The following PARM1 variants were observed in gnomAD, a reference collection of about 807,000 sequenced individuals.
PARM1 encodes WSC4, cell wall integrity and stress response component 4 homolog.
In PARM1, 14 loss-of-function variants were observed where a neutral mutation model predicts 24.6. The ratio of observed to expected loss-of-function variants is 0.57; its 90% CI spans 0.38 to 0.89. PARM1 has a LOEUF of 0.89. Ranked by LOEUF, PARM1 falls within the 40% of genes least tolerant of loss-of-function variation. The pLI, the probability that PARM1 is intolerant of heterozygous loss-of-function variation, is 0.00. For synonymous variants in PARM1, 179 were observed against 156.6 expected (o/e 1.14, Z -1.07); for missense variants, 362 against 380.4 (o/e 0.95, Z 0.40).
intron 1 of PARM1, among the ~76,000 whole-genome samples, chr4:75,011,981 A>G (rs1473966171): frequency 6.6e-6 from 1 of 152,132 alleles, no homozygotes; most frequent in Non-Finnish European, 1.5e-5. Flanking sequence ...CCCTCCTGCC[A>G]GTGACCACAC....
chr4:74,936,023 G>A (rs544251965), intron 1 of PARM1, among the ~76,000 whole-genome samples: 51 of 152,004 alleles, frequency 3.4e-4, no homozygotes, highest in Admixed American at 1.7e-3. Flanking sequence ...TGTAGATATG[G>A]GGGGTATTCC....
intron 1 of PARM1, among the ~76,000 whole-genome samples, chr4:74,989,031 G>A (rs765200488): frequency 1.2e-4 from 18 of 152,118 alleles, no homozygotes; most frequent in Admixed American, 2.6e-4. Context: ...CTTTGAGGGC[G>A]TCCAAGGATA....
chr4:74,965,714 A>G (rs1178637963), intron 1 of PARM1, among the ~76,000 whole-genome samples: 3 of 152,180 alleles, frequency 2.0e-5, no homozygotes, highest in Non-Finnish European at 2.9e-5. Context: ...TCAAAAAATC[A>G]TGGCCCATCT....
intron 1 of PARM1, among the ~76,000 whole-genome samples, chr4:74,950,445 A>G (rs912830483): frequency 8.5e-5 from 13 of 152,080 alleles, no homozygotes; most frequent in Admixed American, 7.9e-4. Flanking sequence ...TCTGTGTCCA[A>G]ACTTCCCTCT....
intron 1 of PARM1, among the ~76,000 whole-genome samples, chr4:74,991,438 T>A (rs1245521186): frequency 6.6e-6 from 1 of 152,050 alleles, no homozygotes; most frequent in Non-Finnish European, 1.5e-5. Context: ...GCAAACTTCC[T>A]GAGTTGAGAG....
At chr4:75,016,052 A>G (rs1722979909) in intron 2 of PARM1, among the ~76,000 whole-genome samples, 1 of 152,176 alleles carries the variant, frequency 6.6e-6, no homozygotes, top group Non-Finnish European at 1.5e-5. Flanking sequence ...CACTCAACAA[A>G]TATCTAAACA....
intron 1 of PARM1, among the ~76,000 whole-genome samples, chr4:75,008,481 C>A (rs1722812543): frequency 6.6e-6 from 1 of 152,254 alleles, no homozygotes; most frequent in Non-Finnish European, 1.5e-5. Flanking sequence ...CTGGAAACGA[C>A]AATGCAAGTG....
chr4:75,035,738 C>T (rs1391257356), intron 3 of PARM1, among the ~76,000 whole-genome samples: 9 of 151,912 alleles, frequency 5.9e-5, no homozygotes, highest in South Asian at 2.1e-4. Context: ...CCTGCGTCTA[C>T]GATACAAAGA....
At chr4:74,944,261 C>T (rs944004486) in intron 1 of PARM1, among the ~76,000 whole-genome samples, 2 of 152,140 alleles carry the variant, frequency 1.3e-5, no homozygotes, top group African/African-American at 4.8e-5. Context: ...CCTTAGCAAT[C>T]GTGGTAAAAT....
At chr4:74,947,836 T>C (rs74820906) in intron 1 of PARM1, among the ~76,000 whole-genome samples, 6,251 of 152,216 alleles carry the variant, frequency 0.041, 414 homozygotes, top group African/African-American at 0.14. Flanking sequence ...TTAAAATGAG[T>C]CCTCTAGACC....
intron 1 of PARM1, among the ~76,000 whole-genome samples, chr4:75,005,170 C>T (rs779383646): frequency 7.2e-5 from 11 of 152,210 alleles, no homozygotes; most frequent in Non-Finnish European, 1.3e-4. Context: ...AGCAATTACT[C>T]AGCACACAGA....
chr4:74,963,372 T>A (rs1231606046), intron 1 of PARM1, among the ~76,000 whole-genome samples: 1 of 152,248 alleles, frequency 6.6e-6, no homozygotes. Context: ...CTTAACGGCA[T>A]TATTCTCAAT....
At chr4:74,979,442 C>T (rs573241478) in intron 1 of PARM1, among the ~76,000 whole-genome samples, 2 of 152,072 alleles carry the variant, frequency 1.3e-5, no homozygotes, top group South Asian at 4.1e-4. Flanking sequence ...AGACCAATAA[C>T]CAGCTGTGAA....
chr4:74,937,471 T>C (rs1721217681), intron 1 of PARM1, among the ~76,000 whole-genome samples: 1 of 152,202 alleles, frequency 6.6e-6, no homozygotes, highest in African/African-American at 2.4e-5. Flanking sequence ...TGCAGCTAGA[T>C]TGCCTAGGTA....
intron 1 of PARM1, among the ~76,000 whole-genome samples, chr4:74,943,723 C>T: frequency 6.6e-6 from 1 of 152,122 alleles, no homozygotes; most frequent in East Asian, 1.9e-4. Flanking sequence ...ATAAAGATAC[C>T]TTCACCATTC....
In PARM1 at chr4:75,012,593, C is replaced by T; in HGVS notation, c.212C>T (p.Ser71Leu). ...AACTCGGTGCTCCCAGTTACAGCAT[C>T]AGCCCCAACATCTCTGCTTCCTAAG... ...HNNSVLPVTA[S>L]APTSLLPKNI... Residue 71 changes from serine to leucine, a missense_variant, in exon 2 of 4, where the codon TCA becomes TTA. Ser to Leu is a moderately radical substitution (Grantham distance 145). Coordinates refer to ENST00000307428, the MANE Select transcript of PARM1 (RefSeq NM_015393.4). 1.2e-6 allele frequency: 2 copies of T among 1,614,006 alleles called. No homozygotes were observed. Among genetic ancestry groups the T allele is most frequent in the East Asian group, 2.2e-5 (1 of 44,882 alleles).
intron 1 of PARM1, among the ~76,000 whole-genome samples, chr4:75,007,216 CA>C (rs1419512254): frequency 6.6e-6 from 1 of 152,202 alleles, no homozygotes; most frequent in African/African-American, 2.4e-5. Context: ...ATTAAAAAGT[CA>C]GGAAACAACA....
chr4:74,969,523 G>A (rs1721980071), intron 1 of PARM1: 1 of 152,210 alleles, frequency 6.6e-6, no homozygotes, highest in Non-Finnish European at 1.5e-5. Context: ...GGAAGGCAGA[G>A]AGGGCACACA....
At chr4:75,037,662 C>A (rs1003955758) in intron 3 of PARM1, among the ~76,000 whole-genome samples, 6 of 152,124 alleles carry the variant, frequency 3.9e-5, no homozygotes, top group African/African-American at 1.4e-4. Flanking sequence ...GGTTTATGAT[C>A]CCACCTTTTA....
Sources: gnomAD v4.1 joint callset for allele counts (sites outside exome capture counted in the v4.1 genomes callset) on GRCh38, gnomAD v4.1.1 for gene constraint, MANE v1.5 for transcripts, NCBI Gene and HGNC (gene_info 2026-07-23, HGNC 2026-07-21) for gene names.